ZAP70: variants seen among roughly 807,000 people sequenced by gnomAD.
ZAP70 encodes the protein zeta chain of T cell receptor associated protein kinase 70, also known as tyrosine-protein kinase ZAP-70.
Under a neutral mutation model 65.8 loss-of-function variants are expected in ZAP70, and 27 were observed. That is an observed-to-expected ratio of 0.41 (90% CI 0.30 to 0.57). The LOEUF is 0.57. Among genes scored for constraint, ZAP70 ranks in the 20% least tolerant of loss-of-function variants. The pLI is 0.28. For missense variants in ZAP70, 696 were observed against 870.5 expected, an observed-to-expected ratio of 0.80 and a Z score of 2.52; for synonymous variants, 363 against 360.8, an observed-to-expected ratio of 1.01 and a Z score of -0.07.
Position 97,733,323 on chromosome 2 carries a change from C to T in ZAP70, c.817C>T (p.His273Tyr), listed in dbSNP as rs1410316068. 1.3e-6 allele frequency: 2 copies of T among 1,597,252 alleles called. No individual in the cohort carries two copies. The highest frequency in any genetic ancestry group is 1.1e-5 in the South Asian group (1 of 88,310). Residue 273 changes from histidine (H) to tyrosine (Y), a missense_variant, in exon 7 of 14, where the codon CAC (histidine) becomes TAC (tyrosine). Transcript: ENST00000264972. ...GGCTGCTGCTCCCACACTCCCAGCC[C>T]ACCCATCCACGTTGACTCATGTGAG... is the stretch of plus-strand genomic sequence containing the variant. ...SGAAAPTLPA[H>Y]PSTLTHPQRR...
At chr2:97,752,795 A>AT in the ZAP70 span, among the ~76,000 whole-genome samples, 1 of 151,996 alleles carries the variant, frequency 6.6e-6, no homozygotes, top group African/African-American at 2.4e-5. Context: ...TTGTTCTTTT[A>AT]TTTTTTCCAA....
rs944490928 is a variant in ZAP70 at position 97,731,529 on chromosome 2, T to C, written c.564-1354T>C. Among the ~76,000 whole-genome samples, 3 of 152,148 alleles carry C rather than the reference T, an allele frequency of 2.0e-5. No homozygotes were observed. Among genetic ancestry groups the C allele is most frequent in the Non-Finnish European group, 4.4e-5 (3 of 68,026 alleles). On this transcript the variant is annotated intron_variant, in intron 4 of 13. Transcript: ENST00000264972. This position sits in a 1 kb window ranked among gnomAD's most constrained non-coding sequence, Gnocchi z 4.0. ...TCTCTCCATGTTATCTCCAGACTGT[T>C]GTGGGCTAGCCTGGGAACTGCCCCA...
the ZAP70 span, among the ~76,000 whole-genome samples, chr2:97,749,048 C>T: frequency 5.2e-5 from 7 of 134,168 alleles, no homozygotes; most frequent in East Asian, 2.3e-4. Flanking sequence ...CTCGCTCTGT[C>T]GCCCAGGCTG....
intron 2 of ZAP70, among the ~76,000 whole-genome samples, chr2:97,719,677 G>C (rs544291297): frequency 6.6e-6 from 1 of 152,170 alleles, no homozygotes; most frequent in East Asian, 1.9e-4. Flanking sequence ...CATTGTGTCT[G>C]TATCTTCCAG....
At position 97,732,974 on chromosome 2, in the gene ZAP70, G is replaced by A. The variant is rs200295650; in HGVS notation, c.655G>A (p.Gly219Ser). The A allele has an allele frequency of 1.9e-5, 30 of 1,613,996 alleles. No individual in the cohort carries two copies. The highest frequency in any genetic ancestry group is 2.5e-5 in the Non-Finnish European group (30 of 1,180,046). ...CTACCTCATCAGCCAAGACAAGGCG[G>A]GCAAGTACTGCATTCCCGAGGGCAC... is the stretch of plus-strand genomic sequence containing the variant. ...YHYLISQDKA[G>S]KYCIPEGTKF... is the part of the protein sequence containing the mutation. The change falls in exon 5 of 14, where the codon GGC (glycine) becomes AGC (serine). Residue 219 changes from glycine to serine, a missense_variant. Physicochemically the swap from Gly to Ser is moderately conservative, Grantham distance 56. Coordinates refer to ENST00000264972, the MANE Select transcript of ZAP70 (RefSeq NM_001079.4).
At chr2:97,734,854 C>A in intron 9 of ZAP70, 142 bp downstream of exon 9, 1 of 1,147,946 alleles carries the variant, frequency 8.7e-7, no homozygotes, top group South Asian at 1.4e-5. Context: ...ACGTTGCACG[C>A]TGGAGGATTC....
chr2:97,741,508 C>T (rs1430536567), downstream of ZAP70, among the ~76,000 whole-genome samples: 3 of 149,138 alleles, frequency 2.0e-5, no homozygotes, highest in Non-Finnish European at 3.0e-5. Context: ...TCCCCGTCCC[C>T]CCCAGGTGAT....
In ZAP70 at chr2:97,737,709, G is replaced by A. The variant is rs201830903; in HGVS notation, c.1482+44G>A. On this transcript the variant is annotated intron_variant, in intron 11 of 13. Transcript: ENST00000264972. The surrounding 1 kb of genome is among the most constrained non-coding windows in gnomAD (Gnocchi z 5.0). ...GATGCCCGACTGGATGGGCTGGGTGGGTAGAGGGTCCCTGACCCCTGATCC... is the reference window on the plus strand; with the variant it reads ...GATGCCCGACTGGATGGGCTGGGTGAGTAGAGGGTCCCTGACCCCTGATCC... 4 of 1,613,942 alleles carry A rather than the reference G, an allele frequency of 2.5e-6. No individual in the cohort carries two copies. The highest frequency in any genetic ancestry group is 3.4e-6 in the Non-Finnish European group (4 of 1,179,998).
At chr2:97,724,568 T>TG (rs1677300774) in intron 3 of ZAP70, 130 bp downstream of exon 3, 2 of 1,532,946 alleles carry the variant, frequency 1.3e-6, no homozygotes, top group Non-Finnish European at 1.7e-6. Flanking sequence ...GCTGGAGAGG[T>TG]GGGGCACTGG....
At chr2:97,750,372 G>C in the ZAP70 span, among the ~76,000 whole-genome samples, 1 of 152,210 alleles carries the variant, frequency 6.6e-6, no homozygotes, top group Non-Finnish European at 1.5e-5. Context: ...TAGCTTATTT[G>C]GGGGGTGGGT....
chr2:97,734,951 G>C (rs1677797350), intron 9 of ZAP70: 1 of 674,308 alleles, frequency 1.5e-6, no homozygotes. Context: ...ACCCAGGGGA[G>C]CTGCAGTGGG....
chr2:97,724,874 G>A (rs534693807), intron 3 of ZAP70: 4 of 1,529,890 alleles, frequency 2.6e-6, no homozygotes, highest in East Asian at 2.5e-5. Flanking sequence ...CTGGAGATGC[G>A]CTTGGGGCCG....
In ZAP70 at chr2:97,739,738, C is replaced by T. The variant is rs201206607; in HGVS notation, c.*240C>T. ...CAGCCTGTCCTGGGCTGGTGGCTCC[C>T]GGAGGGCCCTGAGCTGAGGGCATTG... On this transcript the variant is annotated 3_prime_UTR_variant, in exon 14 of 14. Coordinates refer to ENST00000264972, the MANE Select transcript of ZAP70 (RefSeq NM_001079.4). 1.0e-4 allele frequency: 64 copies of T among 617,680 alleles called. No homozygotes were observed. The highest frequency in any genetic ancestry group is 5.4e-4 in the East Asian group (19 of 35,094). 38.3% of individuals were successfully genotyped at this position (617,680 alleles called of 1,614,324 possible). A position where few individuals can be genotyped will look rare whatever the true frequency, so the allele number is the denominator to read the frequency against.
chr2:97,738,861 A>G (rs1678021004), intron 13 of ZAP70, among the ~76,000 whole-genome samples: 1 of 151,942 alleles, frequency 6.6e-6, no homozygotes, highest in Non-Finnish European at 1.5e-5. Context: ...AGAGGCTAGC[A>G]CCTAGCACCC....
chr2:97,716,683 G>A (rs539885377), intron 2 of ZAP70, among the ~76,000 whole-genome samples: 5 of 152,262 alleles, frequency 3.3e-5, no homozygotes, highest in African/African-American at 1.2e-4. Flanking sequence ...CGAATAACAT[G>A]AGGAGGCCCG....
chr2:97,737,727 C>A lies in ZAP70; in HGVS notation c.1483-30C>A. 1 of 1,614,104 alleles carries A rather than the reference C, an allele frequency of 6.2e-7. No individual in the cohort carries two copies. The highest frequency in any genetic ancestry group is 8.5e-7 in the Non-Finnish European group (1 of 1,179,998). On this transcript the variant is annotated intron_variant, in intron 11 of 13. Coordinates refer to ENST00000264972, the MANE Select transcript of ZAP70 (RefSeq NM_001079.4). This position sits in a 1 kb window ranked among gnomAD's most constrained non-coding sequence, Gnocchi z 5.0. The stretch of plus-strand genomic sequence containing the variant: ...CTGGGTGGGTAGAGGGTCCCTGACC[C>A]CTGATCCAGCAGCATCTCCCCCTCC...
chr2:97,728,277 G>A (rs779987725), intron 4 of ZAP70, among the ~76,000 whole-genome samples: 9 of 152,336 alleles, frequency 5.9e-5, no homozygotes, highest in Non-Finnish European at 1.0e-4. Context: ...AAGCGTTGGC[G>A]GTGGGAGGGT....
rs541074964 is a variant in ZAP70 at position 97,735,195 on chromosome 2, G to A, written c.1083-55G>A. The A allele has an allele frequency of 5.6e-5, 88 of 1,583,060 alleles. No individual in the cohort carries two copies. The South Asian group carries it at 7.0e-4, about 13-fold the overall frequency. ...AGAGATGGGTGGGTGGGGGTGTGGG[G>A]CCGAGCAGGGCCGGTGCCCCTCGCC... On this transcript the variant is annotated intron_variant, in intron 9 of 13. Coordinates refer to ENST00000264972, the MANE Select transcript of ZAP70 (RefSeq NM_001079.4).
chr2:97,715,982 G>A lies in ZAP70; in HGVS notation c.-22+1988G>A, dbSNP rs1417820341. On this transcript the variant is annotated intron_variant, in intron 2 of 13. Transcript: ENST00000264972. The surrounding 1 kb of genome is among the most constrained non-coding windows in gnomAD (Gnocchi z 4.1). ...CAGCCTGGTGAGGGACTGAGGAGCA[G>A]AGACAGAGGCCATCAGGGCTGTGAT... 6.6e-6 allele frequency among the ~76,000 whole-genome samples: 1 copy of A among 152,182 alleles called. No homozygotes were observed. The highest frequency in any genetic ancestry group is 1.5e-5 in the Non-Finnish European group (1 of 68,030).
Sources: gnomAD v4.1 joint callset for allele counts (sites outside exome capture counted in the v4.1 genomes callset) on GRCh38, gnomAD v4.1.1 for gene constraint, Gnocchi (gnomAD v3.1) non-coding constraint, MANE v1.5 for transcripts, NCBI Gene and HGNC (gene_info 2026-07-23, HGNC 2026-07-21) for gene names.